Variants in PLS3 observed in about 807,000 individuals in gnomAD.
PLS3 encodes the protein plastin-3.
A neutral mutation model predicts 46.5 loss-of-function variants in PLS3; 11 were observed. The ratio of observed to expected loss-of-function variants is 0.24; its 90% confidence interval spans 0.15 to 0.39. PLS3 has a LOEUF of 0.39. Among genes scored for constraint, PLS3 ranks in the 10% least tolerant of loss-of-function variants. The pLI, the probability that PLS3 is intolerant of heterozygous loss-of-function variation, is 1.00. For synonymous variants in PLS3, 167 were observed against 162.2 expected, an observed-to-expected ratio of 1.03 and a Z score of -0.22; for missense variants, 308 against 461.8, an observed-to-expected ratio of 0.67 and a Z score of 3.05.
intron 1 of PLS3, among the ~76,000 whole-genome samples, chrX:115,600,930 A>G (rs1320377331): frequency 9.0e-6 from 1 of 110,881 alleles, no homozygotes; most frequent in African/African-American, 3.3e-5. Context: ...TGAGACGCAG[A>G]TAGAGAGAGA....
At chrX:115,582,352 C>A (rs1217454817) in intron 1 of PLS3, among the ~76,000 whole-genome samples, 1 of 111,936 alleles carries the variant, frequency 8.9e-6, no homozygotes, top group African/African-American at 3.2e-5. Flanking sequence ...TATGATGAGA[C>A]TTTAGCTGTA....
At chrX:115,616,574 A>G (rs782621358) in intron 2 of PLS3, among the ~76,000 whole-genome samples, 2 of 112,427 alleles carry the variant, frequency 1.8e-5, no homozygotes, top group South Asian at 7.4e-4. Context: ...GAAGCTTTCT[A>G]AAATCCCATT....
intron 15 of PLS3, among the ~76,000 whole-genome samples, chrX:115,648,570 G>A (rs1388474161): frequency 9.0e-6 from 1 of 110,612 alleles, no homozygotes; most frequent in East Asian, 2.8e-4. Flanking sequence ...CTTCACCAAA[G>A]GCCTAGAGTG....
intron 8 of PLS3, 139 bp from the exon 9 acceptor site, chrX:115,640,269 C>A: frequency 1.6e-6 from 1 of 629,787 alleles, no homozygotes; most frequent in Non-Finnish European, 2.5e-6. Context: ...CTGGGGAAAA[C>A]ACCTGTTAAA....
intron 1 of PLS3, among the ~76,000 whole-genome samples, chrX:115,582,451 T>C (rs2074284566): frequency 8.9e-6 from 1 of 112,405 alleles, no homozygotes; most frequent in African/African-American, 3.2e-5. Context: ...AGCATAGTGT[T>C]ATGTTTATGG....
At chrX:115,579,393 T>C (rs2074267800) in intron 1 of PLS3, among the ~76,000 whole-genome samples, 1 of 112,102 alleles carries the variant, frequency 8.9e-6, no homozygotes, top group Non-Finnish European at 1.9e-5. Flanking sequence ...TGAACTTCAG[T>C]TTTCGTTTCT....
intron 2 of PLS3, among the ~76,000 whole-genome samples, chrX:115,613,571 C>G (rs2074566922): frequency 8.9e-6 from 1 of 112,002 alleles, no homozygotes; most frequent in Non-Finnish European, 1.9e-5. Context: ...ATTGTGCCAT[C>G]TGGTTAATTA....
intron 1 of PLS3, among the ~76,000 whole-genome samples, chrX:115,568,524 GCTGTTT>G (rs1194386288): frequency 9.0e-6 from 1 of 111,280 alleles, no homozygotes; most frequent in Non-Finnish European, 1.9e-5. Context: ...TTATATAATG[GCTGTTT>G]CATAATTTAT....
intron 1 of PLS3, among the ~76,000 whole-genome samples, chrX:115,585,377 A>G (rs781944709): frequency 8.9e-6 from 1 of 111,756 alleles, no homozygotes; most frequent in Non-Finnish European, 1.9e-5. Flanking sequence ...CAGAAATTTT[A>G]AAAAGTCTTT....
intron 3 of PLS3, among the ~76,000 whole-genome samples, chrX:115,625,880 C>T (rs1033944308): frequency 4.5e-5 from 5 of 111,383 alleles, no homozygotes; most frequent in South Asian, 3.8e-4. Context: ...AGAAAGAAGG[C>T]GAAACTTAAT....
chrX:115,632,576 C>G lies in PLS3; in HGVS notation c.501-1424C>G, dbSNP rs192983432. Among the ~76,000 whole-genome samples the G allele has an allele frequency of 1.3e-4, 15 of 111,843 alleles. No individual in the cohort carries two copies. In the East Asian group the frequency reaches 3.9e-3, roughly 29 times the overall value. On this transcript the variant is annotated intron_variant, in intron 5 of 15. Coordinates refer to ENST00000355899, the MANE Select transcript of PLS3 (RefSeq NM_005032.7). ...AGCCTACCTAATCTTTCTCTCGCCA[C>G]TATACTGCCAGCACCAAATATAGTG...
rs1310300320 is a variant in PLS3 at position 115,581,057 on chromosome X, A to G, written c.-9+19797A>G. Among the ~76,000 whole-genome samples the G allele has an allele frequency of 2.7e-5, 3 of 111,138 alleles. No individual in the cohort carries two copies. The East Asian group carries it at 8.4e-4, about 31-fold the overall frequency. On this transcript the variant is annotated intron_variant, in intron 1 of 15. Transcript: ENST00000355899. ...GGCCAGCAGTTTCCTTTCAGCCATA[A>G]CATGAATGACCTTTTTTAATGGCCA...
chrX:115,624,001 G>A (rs782452655), intron 3 of PLS3, among the ~76,000 whole-genome samples: 5 of 111,606 alleles, frequency 4.5e-5, no homozygotes, highest in South Asian at 7.5e-4. Flanking sequence ...AGGCCAAGGC[G>A]GGTGGATCAC....
chrX:115,637,358 C>CT (rs1335698889), intron 8 of PLS3, among the ~76,000 whole-genome samples: 1 of 110,802 alleles, frequency 9.0e-6, no homozygotes, highest in Non-Finnish European at 1.9e-5. Flanking sequence ...TCCTCTTCAC[C>CT]TTTTTTATTT....
intron 3 of PLS3, among the ~76,000 whole-genome samples, chrX:115,627,901 A>G (rs2074726772): frequency 8.9e-6 from 1 of 112,579 alleles, no homozygotes; most frequent in African/African-American, 3.2e-5. Flanking sequence ...ACAAAATTTT[A>G]TTTGTAAGTC....
intron 10 of PLS3, 120 bp from the exon 11 acceptor site, chrX:115,644,901 A>G: frequency 2.2e-6 from 1 of 461,971 alleles, no homozygotes; most frequent in Non-Finnish European, 3.7e-6. Context: ...GGAAACTCGT[A>G]TTATCGAAAA....
At chrX:115,565,253 T>A (rs1287321498) in intron 1 of PLS3, among the ~76,000 whole-genome samples, 1 of 111,865 alleles carries the variant, frequency 8.9e-6, no homozygotes, top group Non-Finnish European at 1.9e-5. Context: ...ATAAATTTAA[T>A]AATACCAAAT....
At chrX:115,618,399 G>A (rs187701768) in intron 2 of PLS3, among the ~76,000 whole-genome samples, 1 of 110,345 alleles carries the variant, frequency 9.1e-6, no homozygotes, top group East Asian at 2.9e-4. Context: ...TCAATATAGT[G>A]AGACCCTGTC....
chrX:115,632,839 C>T (rs782205603), intron 5 of PLS3, among the ~76,000 whole-genome samples: 1 of 109,758 alleles, frequency 9.1e-6, no homozygotes, highest in Non-Finnish European at 1.9e-5. Context: ...TCAATCAGTC[C>T]TCCCACTTCA....
Sources: allele counts gnomAD v4.1 joint callset (sites outside exome capture counted in the v4.1 genomes callset), GRCh38; gene constraint gnomAD v4.1.1; transcripts MANE v1.5; gene names NCBI Gene and HGNC (gene_info 2026-07-23, HGNC 2026-07-21).